The following BTG4 variants were observed in gnomAD, a reference collection of about 807,000 sequenced individuals.
The protein encoded by BTG4 is protein BTG4.
BTG4 carries 10 observed loss-of-function variants against 19.3 expected under a neutral mutation model. The observed-to-expected ratio is 0.52, with a 90% CI of 0.32 to 0.88. The LOEUF is 0.88. Among genes scored for constraint, BTG4 ranks in the 40% least tolerant of loss-of-function variants. The pLI is 0.04. For synonymous variants in BTG4, 91 were observed against 95.7 expected (o/e 0.95, Z 0.29); for missense variants, 238 against 281.9 (o/e 0.84, Z 1.11).
At chr11:111,459,355 G>A in the BTG4 span, among the ~76,000 whole-genome samples, 3,233 of 152,222 alleles carry the variant, frequency 0.021, 111 homozygotes, top group African/African-American at 0.072. Flanking sequence ...AAGAACACAA[G>A]CCCCCTTCTT....
chr11:111,405,719 G>A, the BTG4 span, among the ~76,000 whole-genome samples: 635 of 152,278 alleles, frequency 4.2e-3, 4 homozygotes, highest in African/African-American at 0.014. Flanking sequence ...GAAGTATAGC[G>A]TGGCAGTTAG....
intron 5 of BTG4, chr11:111,473,158 C>T (rs1055998696): frequency 2.0e-5 from 3 of 151,816 alleles, no homozygotes; most frequent in Admixed American, 2.0e-4. Context: ...CTGCTAACCA[C>T]CCCCTATGAA....
downstream of BTG4, chr11:111,462,700 C>T (rs1863471133): frequency 6.6e-6 from 1 of 152,396 alleles, no homozygotes; most frequent in South Asian, 2.1e-4. Context: ...GAACAGGAGG[C>T]ACAGGTGGTG....
the BTG4 span, among the ~76,000 whole-genome samples, chr11:111,458,964 G>A: frequency 4.4e-4 from 67 of 152,248 alleles, 1 homozygote; most frequent in South Asian, 1.2e-3. Context: ...CATACTGGCC[G>A]GGCACGGTGG....
the BTG4 span, among the ~76,000 whole-genome samples, chr11:111,435,221 C>A: frequency 2.0e-5 from 3 of 152,204 alleles, no homozygotes; most frequent in Admixed American, 1.3e-4. Context: ...CACCCAGCAA[C>A]CCTGTCCCGT....
chr11:111,402,273 G>A, the BTG4 span, among the ~76,000 whole-genome samples: 1 of 152,146 alleles, frequency 6.6e-6, no homozygotes, highest in Non-Finnish European at 1.5e-5. Flanking sequence ...ATGTGGAACT[G>A]TGAGTCAATT....
At chr11:111,490,197 T>C (rs945859633), downstream of BTG4, among the ~76,000 whole-genome samples, 6 of 151,488 alleles carry the variant, frequency 4.0e-5, no homozygotes, top group African/African-American at 1.5e-4. Flanking sequence ...CGCTTGATAC[T>C]GGAAGGTAGA....
intron 1 of BTG4, among the ~76,000 whole-genome samples, chr11:111,507,364 GTTTTTTGT>G (rs1162662617): frequency 6.6e-6 from 1 of 151,878 alleles, no homozygotes; most frequent in Non-Finnish European, 1.5e-5. Context: ...GAGGGTTTTT[GTTTTTTGT>G]TTTTTTGTTT....
At chr11:111,399,923 G>C in the BTG4 span, among the ~76,000 whole-genome samples, 3 of 152,212 alleles carry the variant, frequency 2.0e-5, no homozygotes, top group East Asian at 1.9e-4. Context: ...GGGTATTTGC[G>C]ATCCTGCATC....
At chr11:111,455,761 G>T in the BTG4 span, 1 of 447,180 alleles carries the variant, frequency 2.2e-6, no homozygotes, top group Non-Finnish European at 4.6e-6. Context: ...CTGCAGGGCA[G>T]TTCCCCAGCT....
At chr11:111,432,558 C>T in the BTG4 span, among the ~76,000 whole-genome samples, 31 of 152,200 alleles carry the variant, frequency 2.0e-4, no homozygotes, top group Non-Finnish European at 4.3e-4. Flanking sequence ...GCAGGAGAAT[C>T]TGTAGAACCC....
intron 1 of BTG4, among the ~76,000 whole-genome samples, chr11:111,505,292 G>A (rs1379881339): frequency 6.6e-6 from 1 of 151,760 alleles, no homozygotes; most frequent in African/African-American, 2.4e-5. Flanking sequence ...GTACAGTATG[G>A]GGTTCTCTAA....
intron 1 of BTG4, among the ~76,000 whole-genome samples, chr11:111,511,676 T>C (rs1866929395): frequency 1.3e-5 from 2 of 152,176 alleles, no homozygotes; most frequent in South Asian, 4.1e-4. Context: ...GGAAAGTTAT[T>C]AGCAGAGATC....
chr11:111,405,456 C>G, the BTG4 span, among the ~76,000 whole-genome samples: 1 of 139,464 alleles, frequency 7.2e-6, no homozygotes, highest in Non-Finnish European at 1.5e-5. Flanking sequence ...CCATGAGAAC[C>G]CAGAGAGTTT....
At chr11:111,405,610 T>C in the BTG4 span, among the ~76,000 whole-genome samples, 3 of 152,044 alleles carry the variant, frequency 2.0e-5, no homozygotes, top group Non-Finnish European at 2.9e-5. Context: ...GTATGAACAA[T>C]AACCCAATGT....
the BTG4 span, among the ~76,000 whole-genome samples, chr11:111,391,590 G>A: frequency 6.6e-6 from 1 of 152,032 alleles, no homozygotes; most frequent in Non-Finnish European, 1.5e-5. Flanking sequence ...CATTTCCAAG[G>A]ATCACAAGCA....
Position 111,495,153 on chromosome 11 carries a change from C to T in BTG4, c.672G>A (p.Trp224Ter). ...CGCTGCGTCATCGGTGTGTGTTGAC[C>T]CAGTGGTACCTGTCCAGCCGGTGCA... ...PAMHRLDRYH[W>*]VNTHR is the part of the protein sequence containing the mutation. Residue 224 changes from tryptophan (W) to a stop codon, truncating the protein, a stop_gained, in exon 5 of 5, where the codon TGG becomes TGA. Transcript: ENST00000692032. LOFTEE classifies it high-confidence loss of function. The T allele has an allele frequency of 6.3e-7, 1 of 1,577,000 alleles. No homozygotes were observed. The highest frequency in any genetic ancestry group is 8.6e-7 in the Non-Finnish European group (1 of 1,163,424).
the BTG4 span, among the ~76,000 whole-genome samples, chr11:111,403,048 C>A: frequency 4.6e-5 from 7 of 152,100 alleles, no homozygotes; most frequent in Non-Finnish European, 7.4e-5. Context: ...ATTACCAAAT[C>A]AATCTCACTC....
At chr11:111,491,772 AG>A (rs1455512069), downstream of BTG4, among the ~76,000 whole-genome samples, 2 of 151,726 alleles carry the variant, frequency 1.3e-5, no homozygotes, top group Non-Finnish European at 2.9e-5. Flanking sequence ...AGAAAAGAAA[AG>A]AAAAATAAGT....
Sources: allele counts gnomAD v4.1 joint callset (sites outside exome capture counted in the v4.1 genomes callset), GRCh38; gene constraint gnomAD v4.1.1; transcripts MANE v1.5; gene names NCBI Gene and HGNC (gene_info 2026-07-23, HGNC 2026-07-21).